The following ARID1B variants were observed in gnomAD, a reference collection of about 807,000 sequenced individuals.
The protein encoded by ARID1B is AT-rich interactive domain-containing protein 1B.
Under a neutral mutation model 212.3 loss-of-function variants are expected in ARID1B, and 30 were observed. The ratio of observed to expected loss-of-function variants is 0.14; its 90% confidence interval spans 0.11 to 0.19. The LOEUF (loss-of-function observed/expected upper bound fraction) is 0.19. Among genes scored for constraint, ARID1B ranks in the 10% least tolerant of loss-of-function variants. ARID1B has a pLI of 1.00. For missense variants in ARID1B, 2,891 were observed against 3,204.0 expected, an observed-to-expected ratio of 0.90 and a Z score of 2.36; for synonymous variants, 1,402 against 1,301.7, an observed-to-expected ratio of 1.08 and a Z score of -1.66.
intron 1 of ARID1B, among the ~76,000 whole-genome samples, chr6:156,823,171 AC>A (rs1782483226): frequency 6.6e-6 from 1 of 151,952 alleles, no homozygotes; most frequent in Non-Finnish European, 1.5e-5. Context: ...TTGGTGTGTT[AC>A]GGCCGGGCCA....
Position 157,175,017 on chromosome 6 carries a change from T to C in ARID1B, c.3504+12T>C. ...CTCCATCAAGCCCTGTAAGTGGCTC[T>C]GGTTTTTTTTTGTTTTTTTTGTTTT... On this transcript the variant is annotated intron_variant, in intron 11 of 19. Coordinates refer to ENST00000636930, the MANE Select transcript of ARID1B (RefSeq NM_001374828.1). 1 of 1,371,454 alleles carries C rather than the reference T, an allele frequency of 7.3e-7. No homozygotes were observed. The highest frequency in any genetic ancestry group is 1.5e-5 in the African/African-American group (1 of 66,760). The allele number at this position is 1,371,454 out of a possible 1,614,324, so 85.0% of individuals were successfully genotyped here.
At chr6:157,089,314 G>C (rs1785138718) in intron 5 of ARID1B, among the ~76,000 whole-genome samples, 1 of 152,176 alleles carries the variant, frequency 6.6e-6, no homozygotes. Context: ...GGCTGATTCT[G>C]TTTCTTGCCT....
chr6:157,044,980 A>G (rs1050763256), intron 4 of ARID1B, among the ~76,000 whole-genome samples: 1 of 152,208 alleles, frequency 6.6e-6, no homozygotes, highest in African/African-American at 2.4e-5. Flanking sequence ...TATATAATAT[A>G]TAAATGTTCT....
intron 1 of ARID1B, among the ~76,000 whole-genome samples, chr6:156,813,061 C>CAT (rs369388273): frequency 0.096 from 13,321 of 138,186 alleles, 950 homozygotes; most frequent in African/African-American, 0.16. Flanking sequence ...TATGTATATA[C>CAT]ATATATATAT....
chr6:156,890,821 A>G (rs780274547), intron 2 of ARID1B, among the ~76,000 whole-genome samples: 1 of 152,180 alleles, frequency 6.6e-6, no homozygotes, highest in African/African-American at 2.4e-5. Context: ...CTCAATATAC[A>G]TTTGTTGACT....
intron 4 of ARID1B, among the ~76,000 whole-genome samples, chr6:157,056,156 A>G (rs1782941470): frequency 6.6e-6 from 1 of 152,152 alleles, no homozygotes; most frequent in South Asian, 2.1e-4. Context: ...CCTCATACTT[A>G]GGGTCAGGCA....
At chr6:157,048,417 A>G (rs1782382487) in intron 4 of ARID1B, among the ~76,000 whole-genome samples, 1 of 152,246 alleles carries the variant, frequency 6.6e-6, no homozygotes, top group African/African-American at 2.4e-5. Flanking sequence ...TTGCAAAGAT[A>G]TGCCAACAGA....
chr6:156,889,616 ATTTCCT>A (rs1474231911), intron 2 of ARID1B, among the ~76,000 whole-genome samples: 1 of 152,128 alleles, frequency 6.6e-6, no homozygotes, highest in Non-Finnish European at 1.5e-5. Context: ...TGTACTAGAG[ATTTCCT>A]TTTCCAGGTA....
chr6:156,874,315 A>G (rs970236425), intron 2 of ARID1B, among the ~76,000 whole-genome samples: 1 of 152,124 alleles, frequency 6.6e-6, no homozygotes, highest in Non-Finnish European at 1.5e-5. Flanking sequence ...CTATCCAGCC[A>G]CTTCAGCCTC....
intron 4 of ARID1B, among the ~76,000 whole-genome samples, chr6:156,998,459 G>A (rs989331350): frequency 1.3e-5 from 2 of 152,094 alleles, no homozygotes; most frequent in South Asian, 4.2e-4. Flanking sequence ...TCCTGACCTC[G>A]TGATCCACCC....
chr6:157,118,546 A>C (rs546455347), intron 6 of ARID1B, among the ~76,000 whole-genome samples: 2 of 152,260 alleles, frequency 1.3e-5, no homozygotes, highest in African/African-American at 4.8e-5. Flanking sequence ...GTGAAAGATG[A>C]AAATAAACTC....
chr6:157,016,015 AG>A (rs1471297793), intron 4 of ARID1B, among the ~76,000 whole-genome samples: 1 of 152,216 alleles, frequency 6.6e-6, no homozygotes, highest in East Asian at 1.9e-4. Flanking sequence ...GCTCAGGAGA[AG>A]GGTTGGTAGA....
intron 8 of ARID1B, chr6:157,151,215 A>G (rs6911458): frequency 0.21 from 31,941 of 151,962 alleles, 5,559 homozygotes; most frequent in African/African-American, 0.49. Context: ...CATTGTTGTC[A>G]TTGTTTTGTC....
At chr6:156,996,247 G>A (rs1025041781) in intron 4 of ARID1B, among the ~76,000 whole-genome samples, 1 of 152,152 alleles carries the variant, frequency 6.6e-6, no homozygotes, top group Non-Finnish European at 1.5e-5. Flanking sequence ...TGTAAGGAAT[G>A]GCTTCAGAGC....
chr6:157,165,200 G>T (rs1048986835), intron 8 of ARID1B, among the ~76,000 whole-genome samples: 9 of 152,162 alleles, frequency 5.9e-5, no homozygotes, highest in African/African-American at 1.9e-4. Flanking sequence ...GAAGCTGTTG[G>T]ATGATCTCAG....
At chr6:156,894,595 C>T (rs1788237402) in intron 2 of ARID1B, among the ~76,000 whole-genome samples, 1 of 152,076 alleles carries the variant, frequency 6.6e-6, no homozygotes, top group African/African-American at 2.4e-5. Flanking sequence ...GAGTTTTCAC[C>T]ACACTTGAAT....
At chr6:156,979,570 T>TC (rs1305676578) in intron 4 of ARID1B, among the ~76,000 whole-genome samples, 2 of 152,116 alleles carry the variant, frequency 1.3e-5, no homozygotes, top group Non-Finnish European at 2.9e-5. Flanking sequence ...TGCTGTTTTT[T>TC]TTTTTTGAGA....
At chr6:156,934,270 CA>C (rs1020250154) in intron 3 of ARID1B, among the ~76,000 whole-genome samples, 2 of 151,884 alleles carry the variant, frequency 1.3e-5, no homozygotes, top group African/African-American at 2.4e-5. Context: ...TGTTTGACTT[CA>C]GGGGGAAACG....
chr6:157,118,557 A>T (rs2128542536), intron 6 of ARID1B, among the ~76,000 whole-genome samples: 1 of 152,376 alleles, frequency 6.6e-6, no homozygotes, highest in East Asian at 1.9e-4. Flanking sequence ...AAATAAACTC[A>T]AATGGGAGGC....
Sources: gnomAD v4.1 joint callset for allele counts (sites outside exome capture counted in the v4.1 genomes callset) on GRCh38, gnomAD v4.1.1 for gene constraint, MANE v1.5 for transcripts, NCBI Gene and HGNC (gene_info 2026-07-23, HGNC 2026-07-21) for gene names.